Variants in SLC38A8 observed in about 807,000 individuals in gnomAD.
The protein encoded by SLC38A8 is solute carrier family 38 member 8, also known as amino acid transporter SLC38A8.
A neutral mutation model predicts 46.0 loss-of-function variants in SLC38A8; 65 were observed. The ratio of observed to expected loss-of-function variants is 1.41; its 90% CI spans 1.16 to 1.74. The LOEUF is 1.74. Ranked by LOEUF, SLC38A8 falls within the 40% of genes most tolerant of loss-of-function variation. The pLI, the probability that SLC38A8 is intolerant of heterozygous loss-of-function variation, is 0.00. For missense variants in SLC38A8, 998 were observed against 567.9 expected, an observed-to-expected ratio of 1.76 and a Z score of -7.70; for synonymous variants, 447 against 243.7, an observed-to-expected ratio of 1.83 and a Z score of -7.77.
At chr16:84,014,063 T>A (rs979084594) in intron 9 of SLC38A8, among the ~76,000 whole-genome samples, 3 of 148,990 alleles carry the variant, frequency 2.0e-5, no homozygotes, top group African/African-American at 7.5e-5. Context: ...CACTCTCATC[T>A]CTGAAAGGCC....
At chr16:84,036,633 C>G (rs8057543) in intron 3 of SLC38A8, 69 bp downstream of exon 3, 1 of 1,568,390 alleles carries the variant, frequency 6.4e-7, no homozygotes, top group South Asian at 1.1e-5. Flanking sequence ...TCCTGCTCAA[C>G]TGGAAACTCC....
chr16:84,017,943 G>C (rs1234701514), intron 7 of SLC38A8, among the ~76,000 whole-genome samples: 1 of 152,136 alleles, frequency 6.6e-6, no homozygotes, highest in Non-Finnish European at 1.5e-5. Context: ...TCTGACCCAG[G>C]GGCTACAGAC....
chr16:84,012,882 G>A lies in SLC38A8; in HGVS notation c.1214+119C>T, dbSNP rs974488018. ...GACAGAGACTCTCTTCCTGTGGCTC[G>A]CAGGTTTCTCACCTGCAGGATGCAG... On this transcript the variant is annotated intron_variant, in intron 10 of 10. Transcript: ENST00000299709. The A allele has an allele frequency of 8.1e-5, 89 of 1,094,232 alleles. No homozygotes were observed. The highest frequency in any genetic ancestry group is 7.7e-5 in the Non-Finnish European group (58 of 757,970). 67.8% of individuals were successfully genotyped at this position (1,094,232 alleles called of 1,614,324 possible).
intron 4 of SLC38A8, among the ~76,000 whole-genome samples, chr16:84,032,995 C>G: frequency 1.1e-4 from 5 of 47,462 alleles, no homozygotes; most frequent in African/African-American, 2.2e-4. Context: ...GGTGGGTGTG[C>G]ATGGGGGGGT....
chr16:84,042,931 A>C (rs1255439848), upstream of SLC38A8, among the ~76,000 whole-genome samples: 2 of 152,132 alleles, frequency 1.3e-5, no homozygotes, highest in Non-Finnish European at 2.9e-5. Flanking sequence ...TGGGAGCCAC[A>C]CGGGGCAGGG....
Position 84,009,752 on chromosome 16 carries a change from A to AGG in SLC38A8, c.*30_*31dup, listed in dbSNP as rs745771940. On this transcript the variant is annotated 3_prime_UTR_variant, in exon 11 of 11. Transcript: ENST00000299709. ...GCAGCCACGTAGGGTCAGCCCCCGGAGGGCCCCTTCCTGCCCGGCACTAGC... is the reference window on the plus strand; with the variant it reads ...GCAGCCACGTAGGGTCAGCCCCCGGAGGGGGCCCCTTCCTGCCCGGCACTAGC... 1.2e-4 allele frequency: 184 copies of AGG among 1,597,192 alleles called. No individual in the cohort carries two copies. Among genetic ancestry groups the AGG allele is most frequent in the Non-Finnish European group, 3.2e-5 (38 of 1,169,910 alleles).
chr16:84,041,811 T>C (rs2085370030), intron 2 of SLC38A8, among the ~76,000 whole-genome samples, 158 bp downstream of exon 2: 2 of 152,156 alleles, frequency 1.3e-5, no homozygotes, highest in African/African-American at 2.4e-5. Context: ...ACAGTGGGAT[T>C]ATCTTCTCCC....
chr16:84,012,876 T>G, intron 10 of SLC38A8, 125 bp downstream of exon 10: 3 of 1,057,882 alleles, frequency 2.8e-6, no homozygotes, highest in Non-Finnish European at 4.2e-6. Flanking sequence ...TCTCTTCCTG[T>G]GGCTCGCAGG....
At chr16:84,030,718 G>A (rs1319893673) in intron 5 of SLC38A8, among the ~76,000 whole-genome samples, 1 of 152,160 alleles carries the variant, frequency 6.6e-6, no homozygotes, top group African/African-American at 2.4e-5. Flanking sequence ...CAGCAGCACT[G>A]ACCACAGAAT....
At chr16:84,027,779 G>A (rs997228273) in intron 6 of SLC38A8, among the ~76,000 whole-genome samples, 20 of 152,344 alleles carry the variant, frequency 1.3e-4, no homozygotes, top group African/African-American at 4.3e-4. Flanking sequence ...ATCCGGTGAG[G>A]GCTGGAGGCA....
intron 2 of SLC38A8, 115 bp downstream of exon 2, chr16:84,041,854 C>A: frequency 3.2e-6 from 3 of 930,708 alleles, no homozygotes; most frequent in East Asian, 2.5e-5. Context: ...AAATAAAACC[C>A]CGAAGCTATA....
rs1184091902 is a variant in SLC38A8 at position 84,042,721 on chromosome 16, T to A, written c.-173A>T. The A allele has an allele frequency of 6.5e-6, 1 of 153,174 alleles. No individual in the cohort carries two copies. Among genetic ancestry groups the A allele is most frequent in the Admixed American group, 6.5e-5 (1 of 15,458 alleles). 9.5% of individuals were successfully genotyped at this position (153,174 alleles called of 1,614,324 possible). On this transcript the variant is annotated 5_prime_UTR_variant, in exon 1 of 11. Coordinates refer to ENST00000299709, the MANE Select transcript of SLC38A8 (RefSeq NM_001080442.3). ...TTAACTAAAGGAGCCCTAGCGAGTA[T>A]GTGTCAGGGTCAGGCCCCTCCACAC...
At chr16:84,038,426 A>C (rs2085327457) in intron 2 of SLC38A8, among the ~76,000 whole-genome samples, 1 of 151,944 alleles carries the variant, frequency 6.6e-6, no homozygotes, top group African/African-American at 2.4e-5. Context: ...TGACTCCTCT[A>C]CCCTTCCACC....
intron 3 of SLC38A8, among the ~76,000 whole-genome samples, chr16:84,033,841 T>C (rs2085273503): frequency 6.6e-6 from 1 of 152,190 alleles, no homozygotes. Context: ...CTGAAGTCGA[T>C]TTTTGGCCAC....
chr16:84,011,841 G>A lies in SLC38A8; in HGVS notation c.1214+1160C>T, dbSNP rs189918036. On this transcript the variant is annotated intron_variant, in intron 10 of 10. Coordinates refer to ENST00000299709, the MANE Select transcript of SLC38A8 (RefSeq NM_001080442.3). ...TGAGGCTGTAGTGAGCCACAATTAC[G>A]CCACTGCACTCCAGCCGGAGCAACA... Among the ~76,000 whole-genome samples the A allele has an allele frequency of 1.8e-4, 28 of 152,212 alleles. No individual in the cohort carries two copies. In the East Asian group the frequency reaches 2.3e-3, roughly 13 times the overall value.
chr16:84,028,828 G>A (rs995918798), intron 6 of SLC38A8, among the ~76,000 whole-genome samples: 1 of 152,178 alleles, frequency 6.6e-6, no homozygotes, highest in Non-Finnish European at 1.5e-5. Flanking sequence ...TACCTGGGGT[G>A]CGCTTCCAGT....
chr16:84,031,065 G>C (rs1281716484), intron 5 of SLC38A8, among the ~76,000 whole-genome samples: 1 of 152,064 alleles, frequency 6.6e-6, no homozygotes, highest in East Asian at 1.9e-4. Flanking sequence ...TTTTGAGACA[G>C]AGTCTTGCTC....
chr16:84,030,820 G>A (rs2085228918), intron 5 of SLC38A8, among the ~76,000 whole-genome samples: 2 of 152,124 alleles, frequency 1.3e-5, no homozygotes, highest in African/African-American at 4.8e-5. Context: ...GGTACACTGA[G>A]CATGGGGCCT....
At chr16:84,036,054 A>G (rs949910153) in intron 3 of SLC38A8, among the ~76,000 whole-genome samples, 2 of 152,230 alleles carry the variant, frequency 1.3e-5, no homozygotes, top group East Asian at 3.8e-4. Context: ...AGCCAGTCTC[A>G]CTGGATCTCA....
Sources: allele counts gnomAD v4.1 joint callset (sites outside exome capture counted in the v4.1 genomes callset), GRCh38; gene constraint gnomAD v4.1.1; transcripts MANE v1.5; gene names NCBI Gene and HGNC (gene_info 2026-07-23, HGNC 2026-07-21).